The following ADAM10 variants were observed in gnomAD, a reference collection of about 807,000 sequenced individuals.
ADAM10 encodes disintegrin and metalloproteinase domain-containing protein 10.
In ADAM10, 17 loss-of-function variants were observed where a neutral mutation model predicts 90.1. The observed-to-expected ratio is 0.19, with a 90% confidence interval of 0.13 to 0.28. ADAM10 has a LOEUF of 0.28. Among genes scored for constraint, ADAM10 ranks in the 10% least tolerant of loss-of-function variants. ADAM10 has a pLI of 1.00. For missense variants in ADAM10, 610 were observed against 914.3 expected, an observed-to-expected ratio of 0.67 and a Z score of 4.29; for synonymous variants, 310 against 298.6, an observed-to-expected ratio of 1.04 and a Z score of -0.40.
intron 4 of ADAM10, among the ~76,000 whole-genome samples, chr15:58,669,934 G>A (rs1897157129): frequency 6.6e-6 from 1 of 152,116 alleles, no homozygotes; most frequent in Non-Finnish European, 1.5e-5. Flanking sequence ...CTAACCTAGA[G>A]ATTAGTGCAA....
intron 2 of ADAM10, among the ~76,000 whole-genome samples, chr15:58,717,083 T>C (rs1433035149): frequency 6.6e-6 from 1 of 152,164 alleles, no homozygotes; most frequent in Non-Finnish European, 1.5e-5. Flanking sequence ...ATAAGTGATT[T>C]TTTTTAACCT....
At chr15:58,639,793 C>T (rs28609304) in intron 8 of ADAM10, among the ~76,000 whole-genome samples, 43,482 of 151,700 alleles carry the variant, frequency 0.29, 8,823 homozygotes, top group African/African-American at 0.57. Context: ...GAAAATACAG[C>T]ACTACTTAAG....
At position 58,597,427 on chromosome 15, in the gene ADAM10, A is replaced by AT. The variant is rs757201375; in HGVS notation, c.*119dup. The AT allele has an allele frequency of 1.0e-5, 16 of 1,568,300 alleles. No homozygotes were observed. The highest frequency in any genetic ancestry group is 1.7e-4 in the Middle Eastern group (1 of 5,968). ...TGGTCTGAGGATATGATCTCTTGCC[A>AT]TTTTTTCTTCAACTGTTACTTGTGA... On this transcript the variant is annotated 3_prime_UTR_variant, in exon 16 of 16. Transcript: ENST00000260408.
At chr15:58,719,164 A>G (rs1379031902) in intron 1 of ADAM10, among the ~76,000 whole-genome samples, 1 of 152,052 alleles carries the variant, frequency 6.6e-6, no homozygotes, top group Non-Finnish European at 1.5e-5. Flanking sequence ...TCTCTACTAA[A>G]AATACAAAAA....
chr15:58,610,281 T>TA lies in ADAM10; in HGVS notation c.2025+15dup, dbSNP rs760720339. 4.1e-5 allele frequency: 66 copies of TA among 1,610,630 alleles called. No individual in the cohort carries two copies. Among genetic ancestry groups the TA allele is most frequent in the Non-Finnish European group, 4.8e-5 (57 of 1,177,072 alleles). On this transcript the variant is annotated intron_variant, in intron 14 of 15. Transcript: ENST00000260408. ...AACCACTTTAAGTTTTCTTTGTAAA[T>TA]AAAAAACATACTTACCACAATCCAT...
At chr15:58,720,524 C>T (rs919666793) in intron 1 of ADAM10, among the ~76,000 whole-genome samples, 3 of 151,978 alleles carry the variant, frequency 2.0e-5, no homozygotes, top group Admixed American at 1.3e-4. Flanking sequence ...CCTCAGCCTC[C>T]CGAGTAACTG....
At chr15:58,654,177 T>G (rs572693720) in intron 5 of ADAM10, among the ~76,000 whole-genome samples, 1 of 152,296 alleles carries the variant, frequency 6.6e-6, no homozygotes, top group African/African-American at 2.4e-5. Context: ...TCTTTTATAC[T>G]GTCTTCATTT....
intron 1 of ADAM10, among the ~76,000 whole-genome samples, chr15:58,721,552 C>T (rs569065866): frequency 6.6e-6 from 1 of 152,278 alleles, no homozygotes; most frequent in African/African-American, 2.4e-5. Context: ...CTACCTGCCC[C>T]TCTGCCCCCA....
At chr15:58,709,879 T>G (rs918073092) in intron 2 of ADAM10, among the ~76,000 whole-genome samples, 1 of 152,200 alleles carries the variant, frequency 6.6e-6, no homozygotes, top group African/African-American at 2.4e-5. Flanking sequence ...CTTACTTCCA[T>G]ACCCTTTTCA....
chr15:58,672,811 G>T, intron 4 of ADAM10: 1 of 117,576 alleles, frequency 8.5e-6, no homozygotes, highest in Non-Finnish European at 1.7e-5. Flanking sequence ...AAAAAAAAAA[G>T]GGAGATGTCA....
At chr15:58,650,274 T>C (rs1227157816) in intron 5 of ADAM10, among the ~76,000 whole-genome samples, 1 of 152,200 alleles carries the variant, frequency 6.6e-6, no homozygotes, top group Non-Finnish European at 1.5e-5. Context: ...GCTATGTATA[T>C]GGATAACCAC....
intron 5 of ADAM10, among the ~76,000 whole-genome samples, chr15:58,657,027 G>A (rs535941331): frequency 2.1e-4 from 32 of 152,162 alleles, no homozygotes; most frequent in African/African-American, 7.7e-4. Context: ...CTCTCTCCTG[G>A]CCTGTAAAAT....
intron 14 of ADAM10, among the ~76,000 whole-genome samples, chr15:58,606,080 C>A (rs142254557): frequency 4.9e-4 from 75 of 152,228 alleles, no homozygotes; most frequent in African/African-American, 1.7e-3. Context: ...ATGAATACTG[C>A]AGTGTTCAAC....
intron 10 of ADAM10, among the ~76,000 whole-genome samples, chr15:58,625,002 T>G (rs1434463957): frequency 6.6e-6 from 1 of 152,188 alleles, no homozygotes; most frequent in Non-Finnish European, 1.5e-5. Flanking sequence ...AGAATCTTAA[T>G]GTACCTGTAC....
At chr15:58,608,829 C>CA (rs1895353205) in intron 14 of ADAM10, among the ~76,000 whole-genome samples, 1 of 151,892 alleles carries the variant, frequency 6.6e-6, no homozygotes, top group South Asian at 2.1e-4. Context: ...TTAGAGATAA[C>CA]AGAGAAAAGT....
chr15:58,738,060 G>A (rs943590330), intron 1 of ADAM10, among the ~76,000 whole-genome samples: 1 of 152,176 alleles, frequency 6.6e-6, no homozygotes, highest in Non-Finnish European at 1.5e-5. Flanking sequence ...CAATAAATGA[G>A]AGGATATAAG....
chr15:58,682,398 A>G, intron 2 of ADAM10, 84 bp from the exon 3 acceptor site: 2 of 1,528,572 alleles, frequency 1.3e-6, no homozygotes, highest in Non-Finnish European at 1.8e-6. Context: ...TAAAAAGTCT[A>G]CAAAATGTGG....
At chr15:58,740,416 G>GAA (rs34248418) in intron 1 of ADAM10, among the ~76,000 whole-genome samples, 15,755 of 130,548 alleles carry the variant, frequency 0.12, 2,464 homozygotes, top group African/African-American at 0.36. Flanking sequence ...CTCTAGGGAA[G>GAA]AAAAAAAAAA....
chr15:58,702,524 T>TTGA (rs1427443756), intron 2 of ADAM10, among the ~76,000 whole-genome samples: 1 of 152,346 alleles, frequency 6.6e-6, no homozygotes, highest in African/African-American at 2.4e-5. Flanking sequence ...ATGCTATGAA[T>TTGA]TGATCATTTC....
Sources: allele counts gnomAD v4.1 joint callset (sites outside exome capture counted in the v4.1 genomes callset), GRCh38; gene constraint gnomAD v4.1.1; transcripts MANE v1.5; gene names NCBI Gene and HGNC (gene_info 2026-07-23, HGNC 2026-07-21).